SLC30A9: variants seen among roughly 807,000 people sequenced by gnomAD.
SLC30A9 encodes solute carrier family 30 member 9.
Under a neutral mutation model 87.5 loss-of-function variants are expected in SLC30A9, and 58 were observed. The ratio of observed to expected loss-of-function variants is 0.66; its 90% CI spans 0.54 to 0.82. The LOEUF is 0.82. Among genes scored for constraint, SLC30A9 ranks in the 40% least tolerant of loss-of-function variants. The pLI, the probability that SLC30A9 is intolerant of heterozygous loss-of-function variation, is 0.00. For missense variants in SLC30A9, 557 were observed against 679.1 expected (o/e 0.82, Z 2.00); for synonymous variants, 234 against 233.0 (o/e 1.00, Z -0.04).
chr4:42,046,244 G>A (rs1381024653), intron 8 of SLC30A9, among the ~76,000 whole-genome samples: 3 of 152,256 alleles, frequency 2.0e-5, no homozygotes, highest in South Asian at 2.1e-4. Flanking sequence ...GGGCAATCAG[G>A]CAAGAGAAAG....
In SLC30A9 at chr4:41,990,669, C is replaced by T. The variant is rs1010712525; in HGVS notation, c.18C>T (p.Ala6=). 1.2e-6 allele frequency: 2 copies of T among 1,606,542 alleles called. No homozygotes were observed. Among genetic ancestry groups the T allele is most frequent in the Non-Finnish European group, 1.7e-6 (2 of 1,175,580 alleles). Residue 6 remains alanine (A), a synonymous_variant, in exon 1 of 18, where the codon GCC becomes GCT. Coordinates refer to ENST00000264451, the MANE Select transcript of SLC30A9 (RefSeq NM_006345.4). Reference sequence around the variant, plus strand: ...CCACCAGGATGTTACCCGGCTTGGCCGCCGCCGCGGCCCACAGATGTAGCT... The same window carrying T: ...CCACCAGGATGTTACCCGGCTTGGCTGCCGCCGCGGCCCACAGATGTAGCT... MLPGL[A]AAAAHRCSWS... is the part of the protein sequence containing the mutation.
chr4:42,035,420 T>C, intron 7 of SLC30A9, 87 bp downstream of exon 7: 1 of 1,452,118 alleles, frequency 6.9e-7, no homozygotes, highest in Non-Finnish European at 9.4e-7. Context: ...AGCATGTCTG[T>C]GATCTCAATC....
rs569998228 is a variant in SLC30A9, at chr4:42,019,600, G to A, written c.335-816G>A. On this transcript the variant is annotated intron_variant, in intron 3 of 17. Transcript: ENST00000264451. ...CTAGTGGCTTTAAACTTTTTTGACT[G>A]TAACCCACATAAGAAATACTAATTA... Among the ~76,000 whole-genome samples, 244 of 151,932 alleles carry A rather than the reference G, an allele frequency of 1.6e-3. 1 individual carries two copies. Among genetic ancestry groups the A allele is most frequent in the African/African-American group, 5.7e-3 (237 of 41,460 alleles).
intron 6 of SLC30A9, among the ~76,000 whole-genome samples, chr4:42,032,982 A>G (rs1209966006): frequency 6.6e-6 from 1 of 152,226 alleles, no homozygotes; most frequent in African/African-American, 2.4e-5. Context: ...AAATAGCAGT[A>G]TTAATACTAA....
At chr4:42,067,810 G>A (rs1008330550) in intron 14 of SLC30A9, among the ~76,000 whole-genome samples, 4 of 152,270 alleles carry the variant, frequency 2.6e-5, no homozygotes, top group African/African-American at 9.6e-5. Flanking sequence ...GAGTGAGTGT[G>A]GGGGTGTGTG....
chr4:42,015,288 CTT>C (rs1208895986), intron 2 of SLC30A9, among the ~76,000 whole-genome samples: 1 of 151,896 alleles, frequency 6.6e-6, no homozygotes, highest in African/African-American at 2.4e-5. Flanking sequence ...GAAATACAGT[CTT>C]ATAAATTCCA....
intron 2 of SLC30A9, among the ~76,000 whole-genome samples, chr4:42,013,119 A>T (rs1463951481): frequency 6.6e-6 from 1 of 151,826 alleles, no homozygotes; most frequent in Non-Finnish European, 1.5e-5. Flanking sequence ...CATCTCTACA[A>T]AAAATTTAAA....
chr4:42,081,595 C>T (rs1718741561), intron 17 of SLC30A9, among the ~76,000 whole-genome samples: 1 of 152,144 alleles, frequency 6.6e-6, no homozygotes, highest in African/African-American at 2.4e-5. Flanking sequence ...TATTTTTGTG[C>T]AAGGTAGCAC....
At chr4:42,015,732 C>T (rs537741008) in intron 2 of SLC30A9, among the ~76,000 whole-genome samples, 18 of 152,132 alleles carry the variant, frequency 1.2e-4, no homozygotes, top group Admixed American at 7.2e-4. Context: ...GTCCAAATAC[C>T]GCTTCCATTT....
intron 6 of SLC30A9, 39 bp downstream of exon 6, chr4:42,023,423 T>A: frequency 7.6e-7 from 1 of 1,311,802 alleles, no homozygotes; most frequent in Non-Finnish European, 1.1e-6. Flanking sequence ...AATTGAAAAA[T>A]AACTTGTAGA....
At chr4:42,045,559 AG>A (rs1717112719) in intron 8 of SLC30A9, among the ~76,000 whole-genome samples, 1 of 149,222 alleles carries the variant, frequency 6.7e-6, no homozygotes, top group African/African-American at 2.4e-5. Context: ...TCTGAAATTG[AG>A]GCAGTAATTA....
chr4:42,042,361 G>A (rs1005939262), intron 8 of SLC30A9, among the ~76,000 whole-genome samples: 8 of 152,168 alleles, frequency 5.3e-5, no homozygotes, highest in African/African-American at 1.9e-4. Context: ...TGGGATGCTT[G>A]AGTTTGGTGT....
At position 42,067,205 on chromosome 4, in the gene SLC30A9, T is replaced by C. The variant is rs1215621584; in HGVS notation, c.1252+13T>C. On this transcript the variant is annotated intron_variant, in intron 14 of 17. Coordinates refer to ENST00000264451, the MANE Select transcript of SLC30A9 (RefSeq NM_006345.4). ...ACTTCTATAACAGGTAAATATTCCT[T>C]AAATTACAGGTGATTTATTTGTCCT... The C allele has an allele frequency of 7.1e-7, 1 of 1,412,086 alleles. No individual in the cohort carries two copies. The highest frequency in any genetic ancestry group is 1.0e-6 in the Non-Finnish European group (1 of 997,012). The allele number at this position is 1,412,086 out of a possible 1,614,324, so 87.5% of individuals were successfully genotyped here.
At chr4:42,067,496 T>C (rs1318571603) in intron 14 of SLC30A9, among the ~76,000 whole-genome samples, 1 of 152,206 alleles carries the variant, frequency 6.6e-6, no homozygotes, top group African/African-American at 2.4e-5. Flanking sequence ...TATTTACCTA[T>C]AAAAGTGTGG....
chr4:42,018,602 A>G, intron 3 of SLC30A9: 1 of 290,066 alleles, frequency 3.4e-6, no homozygotes, highest in Non-Finnish European at 6.1e-6. Flanking sequence ...TGTGGTTCCC[A>G]TCTCCAAAGC....
intron 15 of SLC30A9, among the ~76,000 whole-genome samples, chr4:42,072,337 C>T (rs565890353): frequency 3.7e-4 from 56 of 151,928 alleles, no homozygotes; most frequent in Non-Finnish European, 6.9e-4. Flanking sequence ...TCTTTTTCCA[C>T]TGTCTTAAGG....
intron 2 of SLC30A9, among the ~76,000 whole-genome samples, chr4:42,007,897 G>A (rs373381989): frequency 6.6e-6 from 1 of 151,976 alleles, no homozygotes; most frequent in Non-Finnish European, 1.5e-5. Context: ...CATTTTTCAC[G>A]TAACAAGTGT....
chr4:42,075,067 T>A (rs1388043439), intron 15 of SLC30A9, among the ~76,000 whole-genome samples: 24 of 79,902 alleles, frequency 3.0e-4, no homozygotes, highest in South Asian at 4.7e-4. Flanking sequence ...ATATTTTTTT[T>A]TTTTTTTTTT....
At chr4:42,004,328 G>T (rs1484530370) in intron 2 of SLC30A9, among the ~76,000 whole-genome samples, 1 of 152,092 alleles carries the variant, frequency 6.6e-6, no homozygotes, top group African/African-American at 2.4e-5. Context: ...CTTGAGATTT[G>T]TTGGGCTTCC....
Sources: gnomAD v4.1 joint callset for allele counts (sites outside exome capture counted in the v4.1 genomes callset) on GRCh38, gnomAD v4.1.1 for gene constraint, MANE v1.5 for transcripts, NCBI Gene and HGNC (gene_info 2026-07-23, HGNC 2026-07-21) for gene names.